Variants in CDH8 observed in about 807,000 individuals in gnomAD.
CDH8 encodes the protein cadherin 8, also known as cadherin-8.
Under a neutral mutation model 68.1 loss-of-function variants are expected in CDH8, and 17 were observed. The observed-to-expected ratio is 0.25, with a 90% CI of 0.17 to 0.37. The LOEUF (loss-of-function observed/expected upper bound fraction) is 0.37, where lower values mean the gene tolerates loss of function less well. Among genes scored for constraint, CDH8 ranks in the 10% least tolerant of loss-of-function variants. The pLI, the probability that CDH8 is intolerant of heterozygous loss-of-function variation, is 1.00. For missense variants in CDH8, 763 were observed against 999.3 expected (o/e 0.76, Z 3.19); for synonymous variants, 372 against 365.1 (o/e 1.02, Z -0.21).
chr16:61,965,325 C>A (rs1965228921), intron 2 of CDH8, among the ~76,000 whole-genome samples: 1 of 152,150 alleles, frequency 6.6e-6, no homozygotes, highest in Non-Finnish European at 1.5e-5. Context: ...TACATTCTTG[C>A]AGAGAAGGAA....
intron 2 of CDH8, among the ~76,000 whole-genome samples, chr16:61,997,276 AG>A (rs1170978223): frequency 1.3e-5 from 2 of 152,190 alleles, no homozygotes; most frequent in Non-Finnish European, 2.9e-5. Context: ...TATTGAGAAA[AG>A]AACGTAATGC....
At chr16:61,767,123 AT>A (rs1960615548) in intron 8 of CDH8, among the ~76,000 whole-genome samples, 1 of 151,864 alleles carries the variant, frequency 6.6e-6, no homozygotes, top group Non-Finnish European at 1.5e-5. Flanking sequence ...TACCAAAATG[AT>A]TTCCGCATGA....
intron 9 of CDH8, among the ~76,000 whole-genome samples, chr16:61,721,655 G>GA (rs59686570): frequency 0.36 from 53,868 of 149,840 alleles, 10,076 homozygotes; most frequent in Middle Eastern, 0.38. Context: ...GTTTTCTTTT[G>GA]AAAAAAAATG....
chr16:61,698,978 C>A (rs181676947), intron 10 of CDH8, among the ~76,000 whole-genome samples: 1 of 152,100 alleles, frequency 6.6e-6, no homozygotes, highest in Non-Finnish European at 1.5e-5. Flanking sequence ...TTATTTGAAC[C>A]CTTTTATACC....
intron 9 of CDH8, 94 bp downstream of exon 9, chr16:61,727,000 T>C (rs765207880): frequency 7.5e-7 from 1 of 1,336,528 alleles, no homozygotes; most frequent in Non-Finnish European, 1.1e-6. Context: ...TTGCAGATCA[T>C]AAATGATGCA....
chr16:61,775,673 T>C (rs1050639065), intron 8 of CDH8, among the ~76,000 whole-genome samples: 4 of 152,040 alleles, frequency 2.6e-5, no homozygotes, highest in Non-Finnish European at 4.4e-5. Flanking sequence ...GCTAGCCTGC[T>C]AGAGGATGAG....
In CDH8 at chr16:61,761,391, T is replaced by C. The variant is rs185863925; in HGVS notation, c.1414+27955A>G. On this transcript the variant is annotated intron_variant, in intron 8 of 11. Coordinates refer to ENST00000577390, the MANE Select transcript of CDH8 (RefSeq NM_001796.5). ...CAAAATGCATTTCCCAGAAGATTTC[T>C]GGTTTTATAGTCTTTGATGATAACT... 3.9e-5 allele frequency among the ~76,000 whole-genome samples: 6 copies of C among 152,338 alleles called. No individual in the cohort carries two copies. The East Asian group carries it at 1.2e-3, about 29-fold the overall frequency.
rs747165446 is a variant in CDH8, at chr16:61,901,374, T to C, written c.352A>G (p.Ile118Val). ...IFQINDVTGD[I>V]HAIKRLDREE... ...CGGTCAAGTCTTTTTATAGCATGGA[T>C]ATCTCCAGTTACATCATTTATTTGA... Residue 118 changes from isoleucine to valine, a missense_variant, in exon 3 of 12, where the codon ATC (isoleucine) becomes GTC (valine). By Grantham distance (29) the Ile-to-Val change is conservative. This residue lies in a region of CDH8 where 366 missense variants were observed against 563.1 expected (regional missense o/e 0.65). Coordinates refer to ENST00000577390, the MANE Select transcript of CDH8 (RefSeq NM_001796.5). 6.2e-7 allele frequency: 1 copy of C among 1,613,778 alleles called. No homozygotes were observed. Among genetic ancestry groups the C allele is most frequent in the Non-Finnish European group, 8.5e-7 (1 of 1,179,810 alleles).
chr16:61,990,875 A>G (rs1965704475), intron 2 of CDH8, among the ~76,000 whole-genome samples: 1 of 150,822 alleles, frequency 6.6e-6, no homozygotes. Flanking sequence ...GAGGGAAGGA[A>G]GGAAGGAAAG....
At chr16:61,684,313 A>G (rs1964064717) in intron 10 of CDH8, among the ~76,000 whole-genome samples, 1 of 151,992 alleles carries the variant, frequency 6.6e-6, no homozygotes. Flanking sequence ...AGTGTAAATT[A>G]CTATGTTGCT....
At chr16:61,800,968 A>G (rs1388320669) in intron 7 of CDH8, among the ~76,000 whole-genome samples, 1 of 151,852 alleles carries the variant, frequency 6.6e-6, no homozygotes, top group East Asian at 1.9e-4. Context: ...GATGCAAAAT[A>G]GAGGATTTAT....
intron 4 of CDH8, among the ~76,000 whole-genome samples, chr16:61,849,840 G>A (rs1201923548): frequency 3.9e-5 from 6 of 152,196 alleles, no homozygotes; most frequent in African/African-American, 1.4e-4. Flanking sequence ...AAGTGAAAAT[G>A]TCCTATCACA....
chr16:61,761,632 C>T (rs1182948385), intron 8 of CDH8, among the ~76,000 whole-genome samples: 1 of 152,158 alleles, frequency 6.6e-6, no homozygotes, highest in African/African-American at 2.4e-5. Context: ...AGTGGTGACA[C>T]CTGGGCACTA....
intron 2 of CDH8, among the ~76,000 whole-genome samples, chr16:61,905,304 G>C (rs757331799): frequency 2.1e-4 from 32 of 152,222 alleles, no homozygotes; most frequent in Non-Finnish European, 4.3e-4. Flanking sequence ...GGGAGACACA[G>C]ACAAAGTCTC....
intron 10 of CDH8, among the ~76,000 whole-genome samples, chr16:61,670,243 A>G (rs1963764199): frequency 6.6e-6 from 1 of 152,124 alleles, no homozygotes; most frequent in Non-Finnish European, 1.5e-5. Context: ...CCTTTTGGGA[A>G]GAGGCAGCAG....
chr16:61,707,407 G>A (rs541049254), intron 10 of CDH8, among the ~76,000 whole-genome samples: 2 of 152,188 alleles, frequency 1.3e-5, no homozygotes, highest in African/African-American at 2.4e-5. Context: ...GATCGTAATC[G>A]GAAGAGCTAA....
chr16:61,687,315 A>T (rs556709669), intron 10 of CDH8, among the ~76,000 whole-genome samples: 1 of 152,130 alleles, frequency 6.6e-6, no homozygotes, highest in East Asian at 1.9e-4. Flanking sequence ...CTTAATATGT[A>T]CTGTACACAT....
rs1351506811 is a variant in CDH8 at position 61,675,933 on chromosome 16, T to C, written c.1655-20212A>G. Among the ~76,000 whole-genome samples the C allele has an allele frequency of 2.0e-5, 3 of 151,342 alleles. No individual in the cohort carries two copies. In the East Asian group the frequency reaches 5.8e-4, roughly 29 times the overall value. On this transcript the variant is annotated intron_variant, in intron 10 of 11. Transcript: ENST00000577390. ...ATTACTAATAAGTTGACAGAAGACA[T>C]AAAATTGAGCACAAAAATAGCCACT... is the stretch of plus-strand genomic sequence containing the variant.
intron 3 of CDH8, among the ~76,000 whole-genome samples, chr16:61,876,648 A>G (rs929032452): frequency 6.6e-6 from 1 of 152,114 alleles, no homozygotes. Context: ...AGAAGAAACA[A>G]GCACTATGAG....
Sources: gnomAD v4.1 joint callset for allele counts (sites outside exome capture counted in the v4.1 genomes callset) on GRCh38, gnomAD v4.1.1 for gene constraint, gnomAD v4.1.1 regional missense constraint, MANE v1.5 for transcripts, NCBI Gene and HGNC (gene_info 2026-07-23, HGNC 2026-07-21) for gene names.